The following IRAK3 variants were observed in gnomAD, a reference collection of about 807,000 sequenced individuals.
IRAK3 encodes the protein interleukin-1 receptor-associated kinase 3.
A neutral mutation model predicts 56.6 loss-of-function variants in IRAK3; 57 were observed. That is an observed-to-expected ratio of 1.01 (90% confidence interval 0.81 to 1.26). IRAK3 has a LOEUF of 1.26. Ranked by LOEUF, IRAK3 falls within the 50% of genes most tolerant of loss-of-function variation. The probability of loss-of-function intolerance (pLI) is 0.00; values close to 1 mark genes in which losing one functional copy is unlikely to be tolerated. For synonymous variants in IRAK3, 258 were observed against 255.7 expected (o/e 1.01, Z -0.09); for missense variants, 703 against 719.0 (o/e 0.98, Z 0.25).
chr12:66,246,377 T>C lies in IRAK3; in HGVS notation c.1314+1115T>C, dbSNP rs148943859. Among the ~76,000 whole-genome samples, 123 of 152,256 alleles carry C rather than the reference T, an allele frequency of 8.1e-4. 2 individuals carry two copies. The highest frequency in any genetic ancestry group is 2.9e-3 in the African/African-American group (121 of 41,558). ...TAGAAGCTTCCATGACAGAGGGACATGAATTCCATTCTAGGAGTTTGGATT... is the reference window on the plus strand; with the variant it reads ...TAGAAGCTTCCATGACAGAGGGACACGAATTCCATTCTAGGAGTTTGGATT... On this transcript the variant is annotated intron_variant, in intron 11 of 11. Transcript: ENST00000261233.
intron 8 of IRAK3, chr12:66,235,195 G>A: frequency 6.2e-7 from 1 of 1,613,232 alleles, no homozygotes; most frequent in South Asian, 1.1e-5. Context: ...GAGGGGCCAT[G>A]GGGTGGGCTG....
Position 66,247,895 on chromosome 12 carries a change from T to C in IRAK3, c.1515T>C (p.Thr505=). The C allele has an allele frequency of 6.2e-7, 1 of 1,614,174 alleles. No individual in the cohort carries two copies. ...GLRIDRMTQK[T]PFECSQSEVM... is the part of the protein sequence containing the mutation. ...GGATAGACAGAATGACTCAGAAAAC[T>C]CCTTTTGAATGCAGCCAGTCTGAGG... The change falls in exon 12 of 12, where the codon ACT becomes ACC. Residue 505 remains threonine, a synonymous_variant. Transcript: ENST00000261233.
intron 5 of IRAK3, among the ~76,000 whole-genome samples, chr12:66,212,733 T>C (rs2052625104): frequency 6.6e-6 from 1 of 152,148 alleles, no homozygotes; most frequent in Non-Finnish European, 1.5e-5. Context: ...TGTAGGGACA[T>C]GAATGAAGCT....
At position 66,209,624 on chromosome 12, in the gene IRAK3, C is replaced by G. The variant is rs547408077; in HGVS notation, c.381+104C>G. ...CAGAAAAATGCTGGATTTGCCGGCA[C>G]TTTTTAAAAATCAGAAATGCCTTTG... On this transcript the variant is annotated intron_variant, in intron 3 of 11. Coordinates refer to ENST00000261233, the MANE Select transcript of IRAK3 (RefSeq NM_007199.3). The G allele has an allele frequency of 1.4e-5, 11 of 776,644 alleles. No homozygotes were observed. The African/African-American group carries it at 1.7e-4, about 12-fold the overall frequency. 48.1% of individuals were successfully genotyped at this position (776,644 alleles called of 1,614,324 possible).
rs116386036 is a variant in IRAK3, at chr12:66,225,130, G to A, written c.654-1593G>A. 1.8e-3 allele frequency among the ~76,000 whole-genome samples: 267 copies of A among 152,126 alleles called. 2 individuals are homozygous for A. The highest frequency in any genetic ancestry group is 5.8e-3 in the African/African-American group (240 of 41,486). On this transcript the variant is annotated intron_variant, in intron 6 of 11. Coordinates refer to ENST00000261233, the MANE Select transcript of IRAK3 (RefSeq NM_007199.3). ...GAGCAAGAGAGTAGAGCACCAGGCC[G>A]TGGCTCTGTCTATCTGATGTCCACT...
intron 8 of IRAK3, among the ~76,000 whole-genome samples, chr12:66,237,407 C>T (rs1269257007): frequency 6.6e-6 from 1 of 152,086 alleles, no homozygotes; most frequent in Non-Finnish European, 1.5e-5. Flanking sequence ...GTGACTTGCC[C>T]ATTTGCCGCT....
intron 6 of IRAK3, among the ~76,000 whole-genome samples, chr12:66,218,441 T>A (rs2052698996): frequency 6.6e-6 from 1 of 152,186 alleles, no homozygotes. Context: ...TAAATAAAAT[T>A]ATAGTATCAA....
chr12:66,196,725 T>A (rs1226882779), intron 1 of IRAK3: 1 of 235,866 alleles, frequency 4.2e-6, no homozygotes, highest in Non-Finnish European at 6.9e-6. Context: ...GCTAACAGTC[T>A]GGTATGAAGA....
At chr12:66,232,997 T>G (rs2052859703) in intron 8 of IRAK3, among the ~76,000 whole-genome samples, 1 of 150,742 alleles carries the variant, frequency 6.6e-6, no homozygotes, top group Non-Finnish European at 1.5e-5. Context: ...GATATTATTA[T>G]TATTATTATT....
intron 1 of IRAK3, among the ~76,000 whole-genome samples, chr12:66,195,155 T>C (rs556202579): frequency 1.3e-5 from 2 of 152,334 alleles, no homozygotes; most frequent in African/African-American, 4.8e-5. Context: ...ATATTAGCCT[T>C]TTGTGACTTG....
intron 11 of IRAK3, among the ~76,000 whole-genome samples, chr12:66,246,946 G>A (rs576914598): frequency 6.6e-6 from 1 of 152,144 alleles, no homozygotes; most frequent in South Asian, 2.1e-4. Flanking sequence ...TGGGACCAAG[G>A]GATATGCACT....
intron 8 of IRAK3, 105 bp downstream of exon 8, chr12:66,228,475 T>C (rs889468301): frequency 2.3e-5 from 19 of 820,042 alleles, no homozygotes; most frequent in Non-Finnish European, 2.0e-5. Flanking sequence ...GGTATGTATG[T>C]GTGTGTGTTA....
intron 6 of IRAK3, among the ~76,000 whole-genome samples, chr12:66,225,943 A>C (rs182549379): frequency 6.6e-6 from 1 of 152,340 alleles, no homozygotes; most frequent in African/African-American, 2.4e-5. Context: ...GTGCTCAATA[A>C]GTGGATGAAT....
rs1491263190 is a variant in IRAK3, at chr12:66,228,681, TTA to T, written c.887+312_887+313del. Among the ~76,000 whole-genome samples, 5 of 101,830 alleles carry T rather than the reference TTA, an allele frequency of 4.9e-5. No individual in the cohort carries two copies. In the Admixed American group the frequency reaches 5.7e-4, roughly 12 times the overall value. The allele number at this position is 101,830 out of a possible 152,430, so 66.8% of individuals were successfully genotyped here. A position where few individuals can be genotyped will look rare whatever the true frequency, so the allele number is the denominator to read the frequency against. On this transcript the variant is annotated intron_variant, in intron 8 of 11. Coordinates refer to ENST00000261233, the MANE Select transcript of IRAK3 (RefSeq NM_007199.3). ...TGATGATTCAACAAAATGATTTTTT[TTA>T]CTTTACAATGGCACAAAAGTGATAT... is the stretch of plus-strand genomic sequence containing the variant.
intron 5 of IRAK3, among the ~76,000 whole-genome samples, chr12:66,213,503 T>C (rs1242894800): frequency 6.6e-6 from 1 of 152,130 alleles, no homozygotes; most frequent in African/African-American, 2.4e-5. Flanking sequence ...GCACAGATGA[T>C]TTTTAGGGCA....
At chr12:66,229,412 TA>T (rs2052822120) in intron 8 of IRAK3, among the ~76,000 whole-genome samples, 3 of 152,204 alleles carry the variant, frequency 2.0e-5, no homozygotes, top group Non-Finnish European at 4.4e-5. Flanking sequence ...AGACTGAATT[TA>T]AAAGGCTGCT....
At chr12:66,201,628 AT>A (rs913949953) in intron 1 of IRAK3, among the ~76,000 whole-genome samples, 3 of 152,232 alleles carry the variant, frequency 2.0e-5, no homozygotes, top group African/African-American at 7.2e-5. Context: ...GAAAGGCAAT[AT>A]AAATTTTTGC....
chr12:66,236,556 A>G (rs952294825), intron 8 of IRAK3, among the ~76,000 whole-genome samples: 1 of 151,992 alleles, frequency 6.6e-6, no homozygotes, highest in African/African-American at 2.4e-5. Flanking sequence ...CGATAGAACA[A>G]GACTCCGTCT....
chr12:66,217,631 C>T (rs992047923), intron 6 of IRAK3, among the ~76,000 whole-genome samples: 7 of 152,068 alleles, frequency 4.6e-5, no homozygotes, highest in African/African-American at 1.2e-4. Context: ...AGAAATCAAG[C>T]GCTTTTGATG....
Sources: allele counts gnomAD v4.1 joint callset (sites outside exome capture counted in the v4.1 genomes callset), GRCh38; gene constraint gnomAD v4.1.1; transcripts MANE v1.5; gene names NCBI Gene and HGNC (gene_info 2026-07-23, HGNC 2026-07-21).